The following TULP3 variants were observed in gnomAD, a reference collection of about 807,000 sequenced individuals.
TULP3 encodes tubby-related protein 3.
TULP3 carries 38 observed loss-of-function variants against 50.7 expected under a neutral mutation model. That is an observed-to-expected ratio of 0.75 (90% CI 0.58 to 0.98). The LOEUF (loss-of-function observed/expected upper bound fraction) is 0.98. Ranked by LOEUF, TULP3 falls within the 50% of genes least tolerant of loss-of-function variation. TULP3 has a pLI of 0.00. For missense variants in TULP3, 550 were observed against 568.0 expected, an observed-to-expected ratio of 0.97 and a Z score of 0.32; for synonymous variants, 183 against 196.6, an observed-to-expected ratio of 0.93 and a Z score of 0.58.
In TULP3 at chr12:2,922,553, T is replaced by C. The variant is rs372039222; in HGVS notation, c.394+151T>C. On this transcript the variant is annotated intron_variant, in intron 4 of 10. Transcript: ENST00000448120. ...GTGACAGTGTTTAGCATCTTTTACA[T>C]CTGAATGTTGGTAATTGTCAGCAAT... 2,316 of 930,000 alleles carry C rather than the reference T, an allele frequency of 2.5e-3. 24 individuals carry two copies. The Middle Eastern group carries it at 0.027, about 11-fold the overall frequency. The allele number at this position is 930,000 out of a possible 1,614,324, so 57.6% of individuals were successfully genotyped here.
Position 2,913,223 on chromosome 12 carries a change from ATG to A in TULP3, c.93+3656_93+3657del, listed in dbSNP as rs1555113034. 2.4e-3 allele frequency among the ~76,000 whole-genome samples: 353 copies of A among 144,850 alleles called. 4 individuals are homozygous for A. The highest frequency in any genetic ancestry group is 8.7e-3 in the African/African-American group (344 of 39,616). ...AGTTTGTGTGTGTGTGTGTGTGTGT[ATG>A]TGTGTGTGTGTGGTGGCCTTTTATT... is the stretch of plus-strand genomic sequence containing the variant. On this transcript the variant is annotated intron_variant, in intron 2 of 10. Transcript: ENST00000448120.
intron 5 of TULP3, among the ~76,000 whole-genome samples, 186 bp downstream of exon 5, chr12:2,930,531 C>G (rs1354457261): frequency 6.6e-6 from 1 of 152,194 alleles, no homozygotes; most frequent in Non-Finnish European, 1.5e-5. Flanking sequence ...TCACGCCATT[C>G]TCCTGCCTCA....
rs748498779 is a variant in TULP3, at chr12:2,931,027, G to C, written c.493-10G>C. ...GGCCTGTTGTTGCTCATGTATGGCT[G>C]TCCTTTCAGGATACAGGCACTTCCG... On this transcript the variant is annotated splice_polypyrimidine_tract_variant and intron_variant, in intron 5 of 10. Transcript: ENST00000448120. The C allele has an allele frequency of 6.2e-7, 1 of 1,614,048 alleles. No individual in the cohort carries two copies. Among genetic ancestry groups the C allele is most frequent in the Non-Finnish European group, 8.5e-7 (1 of 1,179,974 alleles).
rs749395987 is a variant in TULP3, at chr12:2,922,311, A to T, written c.303A>T (p.Pro101=). ...TGAAACCAGACGAAGTTCATGCTCC[A>T]TCAGTAAGCTCCTCTGTTGTGGAAG... ...AVLKPDEVHA[P]SVSSSVVEED... The change falls in exon 4 of 11, where the codon CCA becomes CCT. Residue 101 remains proline, a synonymous_variant. Transcript: ENST00000448120. 1 of 1,614,158 alleles carries T rather than the reference A, an allele frequency of 6.2e-7. No individual in the cohort carries two copies. Among genetic ancestry groups the T allele is most frequent in the South Asian group, 1.1e-5 (1 of 91,086 alleles).
rs760841916 is a variant in TULP3, at chr12:2,931,147, A to G, written c.603A>G (p.Thr201=). Residue 201 remains threonine, a synonymous_variant, in exon 6 of 11, where the codon ACA becomes ACG. Coordinates refer to ENST00000448120, the MANE Select transcript of TULP3 (RefSeq NM_003324.5). ...FVYSPAPQGV[T]VRCRIIRDKR... is the part of the protein sequence containing the mutation. ...ATAGTCCTGCCCCTCAAGGTGTCAC[A>G]GTAAGATGTCGGATAATCCGGGATA... The G allele has an allele frequency of 6.2e-7, 1 of 1,614,222 alleles. No individual in the cohort carries two copies. The highest frequency in any genetic ancestry group is 8.5e-7 in the Non-Finnish European group (1 of 1,180,048).
At position 2,933,408 on chromosome 12, in the gene TULP3, C is replaced by A. The variant is rs2098199331; in HGVS notation, c.697-10C>A. 1 of 1,595,474 alleles carries A rather than the reference C, an allele frequency of 6.3e-7. No individual in the cohort carries two copies. Among genetic ancestry groups the A allele is most frequent in the Non-Finnish European group, 8.6e-7 (1 of 1,163,562 alleles). ...ACTTCATTTTTGACTGACACTTTTT[C>A]TTTTCCCAGATATTTCTTCTTGCAG... On this transcript the variant is annotated splice_polypyrimidine_tract_variant and intron_variant, in intron 6 of 10. Transcript: ENST00000448120.
intron 4 of TULP3, among the ~76,000 whole-genome samples, chr12:2,929,295 C>T (rs1174910621): frequency 7.2e-5 from 11 of 151,748 alleles, no homozygotes; most frequent in East Asian, 3.9e-4. Context: ...CCAGCCTGGG[C>T]GACAGAGCGA....
At chr12:2,915,567 T>C (rs1381146237) in intron 2 of TULP3, among the ~76,000 whole-genome samples, 1 of 146,646 alleles carries the variant, frequency 6.8e-6, no homozygotes, top group Non-Finnish European at 1.5e-5. Context: ...TGAAACAGAG[T>C]CTCGTTCTGT....
chr12:2,906,986 T>C lies in TULP3; in HGVS notation c.42-2543T>C, dbSNP rs563806051. On this transcript the variant is annotated intron_variant, in intron 1 of 10. Coordinates refer to ENST00000448120, the MANE Select transcript of TULP3 (RefSeq NM_003324.5). ...TACTAGTCCATAACAGTGGACTTTT[T>C]TCTCCAAGTTTTCCTTTTGCTATAT... 2.6e-5 allele frequency among the ~76,000 whole-genome samples: 4 copies of C among 152,192 alleles called. No individual in the cohort carries two copies. The East Asian group carries it at 7.8e-4, about 29-fold the overall frequency.
intron 6 of TULP3, among the ~76,000 whole-genome samples, chr12:2,932,950 A>T (rs71435040): frequency 0.17 from 24,651 of 148,580 alleles, 2,340 homozygotes; most frequent in South Asian, 0.26. Flanking sequence ...TTTATTTTTT[A>T]TTTTTTTTTT....
chr12:2,901,311 T>C (rs1284096780), intron 1 of TULP3, among the ~76,000 whole-genome samples: 4 of 131,854 alleles, frequency 3.0e-5, no homozygotes, highest in Non-Finnish European at 6.3e-5. Context: ...TTTCTTTCTT[T>C]CTTTTTTTTT....
intron 2 of TULP3, among the ~76,000 whole-genome samples, chr12:2,919,173 T>A (rs2098190368): frequency 6.6e-6 from 1 of 152,208 alleles, no homozygotes; most frequent in Non-Finnish European, 1.5e-5. Flanking sequence ...ATTACAGGCG[T>A]GAGCCACTGC....
At chr12:2,911,530 A>AT (rs1438766596) in intron 2 of TULP3, among the ~76,000 whole-genome samples, 245 of 148,116 alleles carry the variant, frequency 1.7e-3, no homozygotes, top group Middle Eastern at 7.0e-3. Context: ...TTTATTTTTT[A>AT]TTTTTTTTTA....
intron 1 of TULP3, among the ~76,000 whole-genome samples, chr12:2,904,387 C>T (rs1284615006): frequency 1.3e-5 from 2 of 152,132 alleles, no homozygotes; most frequent in African/African-American, 4.8e-5. Flanking sequence ...GCTCAGGCTG[C>T]TGTGCAGGGT....
Position 2,890,905 on chromosome 12 carries a change from G to T in TULP3, c.-43G>T. On this transcript the variant is annotated 5_prime_UTR_variant, in exon 1 of 11. Coordinates refer to ENST00000448120, the MANE Select transcript of TULP3 (RefSeq NM_003324.5). ...CCAGCCTAGCCACTCTAGCGACGGC[G>T]GGGAAGAGTGTGTACGTGGTGGGGG... 7.1e-6 allele frequency: 11 copies of T among 1,554,388 alleles called. No homozygotes were observed. The highest frequency in any genetic ancestry group is 2.4e-5 in the East Asian group (1 of 41,028).
intron 4 of TULP3, among the ~76,000 whole-genome samples, chr12:2,926,112 C>A (rs2153949895): frequency 6.6e-6 from 1 of 152,270 alleles, no homozygotes; most frequent in South Asian, 2.1e-4. Flanking sequence ...GAACTGAGTT[C>A]TTGGTATTAA....
Position 2,909,649 on chromosome 12 carries a change from CT to C in TULP3, c.93+70del. On this transcript the variant is annotated intron_variant, in intron 2 of 10. Transcript: ENST00000448120. ...GACCGTGATGCTGATGGTCTTGGCT[CT>C]GAAGCCTTTGGCAGGGCTATGGAAA... 2.7e-6 allele frequency: 4 copies of C among 1,470,040 alleles called. No homozygotes were observed. In the South Asian group the frequency reaches 4.9e-5, roughly 18 times the overall value. The allele number at this position is 1,470,040 out of a possible 1,614,324, so 91.1% of individuals were successfully genotyped here.
In TULP3 at chr12:2,940,722, T is replaced by C; in HGVS notation, c.*1278T>C. Reference sequence around the variant, plus strand: ...GTTCCTGCACCACATCAGATAAGCATGTGAAGGAGGGCCAACTGGCAGCTG... The same window carrying C: ...GTTCCTGCACCACATCAGATAAGCACGTGAAGGAGGGCCAACTGGCAGCTG... On this transcript the variant is annotated 3_prime_UTR_variant, in exon 11 of 11. Coordinates refer to ENST00000448120, the MANE Select transcript of TULP3 (RefSeq NM_003324.5). 2 of 1,549,440 alleles carry C rather than the reference T, an allele frequency of 1.3e-6. No homozygotes were observed. Among genetic ancestry groups the C allele is most frequent in the Non-Finnish European group, 8.7e-7 (1 of 1,145,742 alleles).
rs1012583057 is a variant in TULP3, at chr12:2,890,975, C to T, written c.28C>T (p.Pro10Ser). Reference sequence around the variant, plus strand: ...GGAGGCTTCGCGCTGCCGGCTCAGTCCCAGCGGCGACAGGTCAGACAGGGC... The same window carrying T: ...GGAGGCTTCGCGCTGCCGGCTCAGTTCCAGCGGCGACAGGTCAGACAGGGC... MEASRCRLS[P>S]SGDSVFHEEM... Residue 10 changes from proline to serine, a missense_variant, in exon 1 of 11, where the codon CCC (proline) becomes TCC (serine). Transcript: ENST00000448120. The T allele has an allele frequency of 1.9e-6, 3 of 1,595,692 alleles. 1 individual carries two copies. Among genetic ancestry groups the T allele is most frequent in the Middle Eastern group, 1.7e-4 (1 of 6,028 alleles).
Sources: gnomAD v4.1 joint callset for allele counts (sites outside exome capture counted in the v4.1 genomes callset) on GRCh38, gnomAD v4.1.1 for gene constraint, MANE v1.5 for transcripts, NCBI Gene and HGNC (gene_info 2026-07-23, HGNC 2026-07-21) for gene names.